CHAT: variants seen among roughly 807,000 people sequenced by gnomAD.
The protein encoded by CHAT is choline O-acetyltransferase.
Under a neutral mutation model 76.9 loss-of-function variants are expected in CHAT, and 61 were observed. The observed-to-expected ratio is 0.79, with a 90% CI of 0.65 to 0.98. CHAT has a LOEUF of 0.98. Among genes scored for constraint, CHAT ranks in the 50% least tolerant of loss-of-function variants. The pLI, the probability that CHAT is intolerant of heterozygous loss-of-function variation, is 0.00. For synonymous variants in CHAT, 407 were observed against 397.4 expected (o/e 1.02, Z -0.29); for missense variants, 946 against 986.9 (o/e 0.96, Z 0.56).
At chr10:49,661,149 A>G (rs1840182020) in intron 13 of CHAT, 1 of 152,158 alleles carries the variant, frequency 6.6e-6, no homozygotes, top group Non-Finnish European at 1.5e-5. Context: ...CTCAATTAAG[A>G]TTCCCTAAAT....
intron 13 of CHAT, among the ~76,000 whole-genome samples, chr10:49,658,755 A>G (rs545615609): frequency 1.6e-4 from 24 of 152,360 alleles, no homozygotes; most frequent in African/African-American, 4.3e-4. Flanking sequence ...AAAGTACAAG[A>G]AACAATTGAA....
At chr10:49,633,251 C>T (rs940025552) in intron 7 of CHAT, among the ~76,000 whole-genome samples, 1 of 152,088 alleles carries the variant, frequency 6.6e-6, no homozygotes, top group Admixed American at 6.5e-5. Context: ...CAGAGTGGGG[C>T]CAAGGAATCT....
chr10:49,633,842 T>G (rs1839208029), intron 7 of CHAT, among the ~76,000 whole-genome samples: 1 of 152,160 alleles, frequency 6.6e-6, no homozygotes, highest in South Asian at 2.1e-4. Flanking sequence ...CCGTAAATAT[T>G]TATCCCCGAC....
chr10:49,614,788 T>A (rs1266989484), intron 1 of CHAT, among the ~76,000 whole-genome samples: 2 of 152,112 alleles, frequency 1.3e-5, no homozygotes, highest in African/African-American at 4.8e-5. Context: ...GGTCCTTGGG[T>A]CTGACCCGAC....
chr10:49,611,464 C>A (rs745662968), upstream of CHAT: 7 of 1,598,938 alleles, frequency 4.4e-6, no homozygotes, highest in South Asian at 7.7e-5. Context: ...CGCCGGCAAG[C>A]GCGTGCCCTT....
chr10:49,627,108 T>A (rs1460023194), intron 6 of CHAT, among the ~76,000 whole-genome samples: 1 of 152,228 alleles, frequency 6.6e-6, no homozygotes, highest in Admixed American at 6.5e-5. Context: ...TACACCACAT[T>A]TCACTTAGCC....
intron 5 of CHAT, 120 bp from the exon 6 acceptor site, chr10:49,625,353 G>A (rs752404337): frequency 7.4e-5 from 64 of 862,602 alleles, no homozygotes; most frequent in Non-Finnish European, 9.2e-5. Context: ...CCATGATGAT[G>A]CAGTTCTGGG....
intron 1 of CHAT, among the ~76,000 whole-genome samples, chr10:49,615,482 G>T (rs934406815): frequency 1.3e-5 from 2 of 152,178 alleles, no homozygotes. Context: ...TGGACTCTCT[G>T]TTCCTGGCAA....
At chr10:49,655,553 GT>G in intron 13 of CHAT, 105 bp downstream of exon 13, 1 of 1,061,892 alleles carries the variant, frequency 9.4e-7, no homozygotes. Context: ...CCAGCCACCT[GT>G]TACTCGGGGA....
At chr10:49,654,957 A>G (rs1034540393) in intron 11 of CHAT, 138 bp from the exon 12 acceptor site, 17 of 953,276 alleles carry the variant, frequency 1.8e-5, no homozygotes, top group South Asian at 1.1e-4. Context: ...CTAGAATTCT[A>G]TTAATATTAA....
At chr10:49,636,189 G>A (rs1374438343) in intron 7 of CHAT, among the ~76,000 whole-genome samples, 1 of 152,034 alleles carries the variant, frequency 6.6e-6, no homozygotes, top group Non-Finnish European at 1.5e-5. Context: ...GTTCCCTTCT[G>A]GTACTAGTTC....
rs747632650 is a variant in CHAT at position 49,667,568 on chromosome 10, T to C, written c.*2522T>C. On this transcript the variant is annotated 3_prime_UTR_variant, in exon 15 of 15. Transcript: ENST00000337653. ...AATACACGGGTGCACTGAGTCTTTATGCAAAGGCAACACTGAGCCATGGCC... is the reference window on the plus strand; with the variant it reads ...AATACACGGGTGCACTGAGTCTTTACGCAAAGGCAACACTGAGCCATGGCC... Among the ~76,000 whole-genome samples, 6 of 152,102 alleles carry C rather than the reference T, an allele frequency of 3.9e-5. No individual in the cohort carries two copies. The highest frequency in any genetic ancestry group is 7.4e-5 in the Non-Finnish European group (5 of 68,004).
chr10:49,630,859 C>T (rs1839094806), intron 7 of CHAT, among the ~76,000 whole-genome samples: 1 of 152,074 alleles, frequency 6.6e-6, no homozygotes, highest in Non-Finnish European at 1.5e-5. Context: ...ACCTCCTGGT[C>T]TCAGATCACA....
chr10:49,630,774 G>T (rs1296317128), intron 7 of CHAT, among the ~76,000 whole-genome samples: 1 of 152,186 alleles, frequency 6.6e-6, no homozygotes, highest in Non-Finnish European at 1.5e-5. Flanking sequence ...AGAGGCCTTT[G>T]GTTGGTACAG....
rs779919147 is a variant in CHAT, at chr10:49,646,541, G to A, written c.1148G>A (p.Arg383His). 1.4e-5 allele frequency: 23 copies of A among 1,614,096 alleles called. No homozygotes were observed. The highest frequency in any genetic ancestry group is 2.2e-5 in the East Asian group (1 of 44,900). The change falls in exon 8 of 15, where the codon CGC (arginine) becomes CAC (histidine). Residue 383 changes from arginine to histidine, a missense_variant. Around this residue, in one of 3 missense-constraint regions of CHAT, gnomAD observed 548 missense variants for 516.2 expected, o/e 1.06. Coordinates refer to ENST00000337653, the MANE Select transcript of CHAT (RefSeq NM_020549.5). Reference protein sequence around the residue: ...TNRDSLDMIERCICLVCLDAP... With the variant: ...TNRDSLDMIEHCICLVCLDAP... The stretch of plus-strand genomic sequence containing the variant: ...CGGGACTCGCTGGACATGATTGAGC[G>A]CTGCATCTGCCTTGTATGCCTGGAC...
At chr10:49,657,775 C>T (rs1391113763) in intron 13 of CHAT, among the ~76,000 whole-genome samples, 5 of 152,136 alleles carry the variant, frequency 3.3e-5, no homozygotes, top group Non-Finnish European at 7.3e-5. Flanking sequence ...ATTGACCAAG[C>T]CAAGAGAGAA....
intron 7 of CHAT, among the ~76,000 whole-genome samples, chr10:49,634,567 C>T (rs1029025168): frequency 3.9e-5 from 6 of 152,226 alleles, no homozygotes; most frequent in African/African-American, 7.2e-5. Flanking sequence ...GGGCCCTCCA[C>T]GTACCACTCT....
At chr10:49,627,513 G>A (rs1391908633) in intron 6 of CHAT, 95 bp from the exon 7 acceptor site, 1 of 1,292,410 alleles carries the variant, frequency 7.7e-7, no homozygotes, top group Admixed American at 1.7e-5. Flanking sequence ...TTGGGCCTGA[G>A]CATCCCTGCC....
rs1281475451 is a variant in CHAT, at chr10:49,655,477, C to T, written c.1839+29C>T. 2.5e-6 allele frequency: 4 copies of T among 1,606,202 alleles called. No homozygotes were observed. The African/African-American group carries it at 4.0e-5, about 16-fold the overall frequency. On this transcript the variant is annotated intron_variant, in intron 13 of 14. Coordinates refer to ENST00000337653, the MANE Select transcript of CHAT (RefSeq NM_020549.5). ...AGTGACGTCGCACCACCTCACAACA[C>T]TGCACTTGAGCTGTGCCTGGGGCCT...
Sources: allele counts gnomAD v4.1 joint callset (sites outside exome capture counted in the v4.1 genomes callset), GRCh38; gene constraint gnomAD v4.1.1; regional missense constraint gnomAD v4.1.1; transcripts MANE v1.5; gene names NCBI Gene and HGNC (gene_info 2026-07-23, HGNC 2026-07-21).